The following OR1N1 variants were observed in gnomAD, a reference collection of about 807,000 sequenced individuals.
OR1N1 encodes olfactory receptor family 1 subfamily N member 1.
For missense variants in OR1N1, 388 were observed against 391.9 expected (o/e 0.99, Z 0.08); for synonymous variants, 130 against 151.2 (o/e 0.86, Z 1.03).
rs1223761916 is a variant in OR1N1, at chr9:122,527,179, CA to C, written c.114del (p.Asn40ThrfsTer32). 1.9e-6 allele frequency: 3 copies of C among 1,614,140 alleles called. No homozygotes were observed. The African/African-American group carries it at 4.0e-5, about 22-fold the overall frequency. On this transcript the variant is annotated frameshift_variant, in exon 1 of 1. Transcript: ENST00000304880. LOFTEE classifies it low-confidence loss of function (END_TRUNC). ...ATGGCCAGGATGATGAGCAGGTTCCCAGTCAAGGTGACAAGATACATACACA... is the reference window on the plus strand; with the variant it reads ...ATGGCCAGGATGATGAGCAGGTTCCCGTCAAGGTGACAAGATACATACACA... ...IFLCMYLVTL[T>X]GNLLIILAIG... is the part of the protein sequence containing the mutation.
rs746692966 is a variant in OR1N1 at position 122,526,857 on chromosome 9, C to G, written c.437G>C (p.Cys146Ser). The G allele has an allele frequency of 6.2e-7, 1 of 1,614,118 alleles. No homozygotes were observed. The highest frequency in any genetic ancestry group is 1.1e-5 in the South Asian group (1 of 91,078). ...PQVCALMLALCWVLTNIVALT... is the reference protein window; with the variant it reads ...PQVCALMLALSWVLTNIVALT... ...GGCAACGATATTGGTGAGGACCCAG[C>G]ACAATGCAAGCATTAGGGCACAGAC... Residue 146 changes from cysteine to serine, a missense_variant, in exon 1 of 1, where the codon TGC becomes TCC. By Grantham distance (112) the Cys-to-Ser change is moderately radical. Coordinates refer to ENST00000304880, the MANE Select transcript of OR1N1 (RefSeq NM_012363.1).
chr9:122,526,926 G>T lies in OR1N1; in HGVS notation c.368C>A (p.Ala123Asp). The T allele has an allele frequency of 1.9e-6, 3 of 1,614,130 alleles. No homozygotes were observed. The highest frequency in any genetic ancestry group is 2.5e-6 in the Non-Finnish European group (3 of 1,180,016). Residue 123 changes from alanine (A) to aspartate (D), a missense_variant, in exon 1 of 1, where the codon GCC becomes GAC. Ala to Asp is a moderately radical substitution (Grantham distance 126, BLOSUM62 -2). Transcript: ENST00000304880. ...GGAGTAGCAGAGGGGGTGGCAAATG[G>T]CCACATAGCGGTCATACGCCATGGC... The part of the protein sequence containing the change: ...LAAMAYDRYV[A>D]ICHPLCYSTV...
Position 122,527,280 on chromosome 9 carries a change from G to T in OR1N1, c.14C>A (p.Ser5Tyr), listed in dbSNP as rs548283369. 6.2e-7 allele frequency: 1 copy of T among 1,606,470 alleles called. No homozygotes were observed. Among genetic ancestry groups the T allele is most frequent in the African/African-American group, 1.3e-5 (1 of 74,790 alleles). The change falls in exon 1 of 1, where the codon TCC becomes TAC. Residue 5 changes from serine (S) to tyrosine (Y), a missense_variant. Coordinates refer to ENST00000304880, the MANE Select transcript of OR1N1 (RefSeq NM_012363.1). ...TCGGAGGAAAAATTCAGAAATGCTG[G>T]ATTGGTTTTCCATGACTCTGCAGCA... MENQ[S>Y]SISEFFLRGI... is the part of the protein sequence containing the mutation.
In OR1N1 at chr9:122,526,740, A is replaced by G. The variant is rs773742764; in HGVS notation, c.554T>C (p.Leu185Pro). The G allele has an allele frequency of 5.0e-6, 8 of 1,614,212 alleles. No homozygotes were observed. The South Asian group carries it at 7.7e-5, about 16-fold the overall frequency. Residue 185 changes from leucine to proline, a missense_variant, in exon 1 of 1, where the codon CTG becomes CCG. Physicochemically the swap from Leu to Pro is moderately conservative, Grantham distance 98 (BLOSUM62 -3). Transcript: ENST00000304880. ...FFCDITPVLKLSCSDTHINEM... is the reference protein window; with the variant it reads ...FFCDITPVLKPSCSDTHINEM... ...GTTGATGTGGGTGTCAGAACATGAC[A>G]GCTTCAGGACAGGAGTGATGTCACA...
rs146137679 is a variant in OR1N1 at position 122,527,004 on chromosome 9, G to T, written c.290C>A (p.Thr97Lys). The T allele has an allele frequency of 7.4e-6, 12 of 1,614,066 alleles. No homozygotes were observed. The highest frequency in any genetic ancestry group is 9.3e-6 in the Non-Finnish European group (11 of 1,180,044). The part of the protein sequence containing the change: ...HHTISYTGCL[T>K]QMYFFLMFGD... ...AAACATCAGAAAGAAATACATTTGC[G>T]TGAGGCAACCCGTATAGGAGATGGT... The change falls in exon 1 of 1, where the codon ACG (threonine) becomes AAG (lysine). Residue 97 changes from threonine to lysine, a missense_variant. Thr to Lys is a moderately conservative substitution (Grantham distance 78, BLOSUM62 -1). Coordinates refer to ENST00000304880, the MANE Select transcript of OR1N1 (RefSeq NM_012363.1).
Position 122,527,130 on chromosome 9 carries a change from G to A in OR1N1, c.164C>T (p.Thr55Ile). 4 of 1,614,122 alleles carry A rather than the reference G, an allele frequency of 2.5e-6. No homozygotes were observed. The highest frequency in any genetic ancestry group is 2.2e-5 in the East Asian group (1 of 44,898). The change falls in exon 1 of 1, where the codon ACC becomes ATC. Residue 55 changes from threonine to isoleucine, a missense_variant. Physicochemically the swap from Thr to Ile is moderately conservative, Grantham distance 89 (BLOSUM62 -1). Coordinates refer to ENST00000304880, the MANE Select transcript of OR1N1 (RefSeq NM_012363.1). Reference sequence around the variant, plus strand: ...GTTGGCCAAGAAAAAGTACATGGGGGTGTGGAGGTGCAGGTCAGAGCCAAT... The same window carrying A: ...GTTGGCCAAGAAAAAGTACATGGGGATGTGGAGGTGCAGGTCAGAGCCAAT... ...LAIGSDLHLH[T>I]PMYFFLANLS...
chr9:122,527,067 A>C lies in OR1N1; in HGVS notation c.227T>G (p.Val76Gly). ...FVDMGLTSST[V>G]TKMLVNIQTR... is the part of the protein sequence containing the mutation. ...CTGTATATTCACCAGCATCTTGGTA[A>C]CTGTGGAGGACGTTAAACCCATGTC... The change falls in exon 1 of 1, where the codon GTT becomes GGT. Residue 76 changes from valine (V) to glycine (G), a missense_variant. Coordinates refer to ENST00000304880, the MANE Select transcript of OR1N1 (RefSeq NM_012363.1). 1.2e-6 allele frequency: 2 copies of C among 1,614,246 alleles called. No individual in the cohort carries two copies. The highest frequency in any genetic ancestry group is 1.7e-6 in the Non-Finnish European group (2 of 1,180,038).
chr9:122,527,246 TG>T lies in OR1N1; in HGVS notation c.47del (p.Ser16Ter). On this transcript the variant is annotated frameshift_variant, in exon 1 of 1. Coordinates refer to ENST00000304880, the MANE Select transcript of OR1N1 (RefSeq NM_012363.1). LOFTEE classifies it low-confidence loss of function (END_TRUNC). ...SISEFFLRGISAPPEQQQSLF... is the reference protein window; with the variant it reads ...SISEFFLRGIXAPPEQQQSLF... ...GGGACTGCTGTTGCTCTGGAGGCGC[TG>T]ATATTCCTCGGAGGAAAAATTCAGA... 1 of 1,613,184 alleles carries T rather than the reference TG, an allele frequency of 6.2e-7. No individual in the cohort carries two copies. The highest frequency in any genetic ancestry group is 1.1e-5 in the South Asian group (1 of 90,994).
Position 122,526,786 on chromosome 9 carries a change from C to T in OR1N1, c.508G>A (p.Gly170Arg), listed in dbSNP as rs778920117. 14 of 1,613,966 alleles carry T rather than the reference C, an allele frequency of 8.7e-6. No individual in the cohort carries two copies. The highest frequency in any genetic ancestry group is 8.3e-5 in the Admixed American group (5 of 59,992). Residue 170 changes from glycine to arginine, a missense_variant, in exon 1 of 1, where the codon GGG becomes AGG. By Grantham distance (125) the Gly-to-Arg change is moderately radical. Transcript: ENST00000304880. Reference protein sequence around the residue: ...LMARLSFCVTGEIAHFFCDIT... With the variant: ...LMARLSFCVTREIAHFFCDIT... ...TCACAGAAAAAGTGAGCAATTTCCC[C>T]AGTCACACAGAAGGACAACCGAGCC...
rs1244720592 is a variant in OR1N1, at chr9:122,527,078, C to T, written c.216G>A (p.Thr72=). 6.8e-6 allele frequency: 11 copies of T among 1,614,078 alleles called. No individual in the cohort carries two copies. The highest frequency in any genetic ancestry group is 1.7e-5 in the Admixed American group (1 of 60,004). ...ANLSFVDMGL[T]SSTVTKMLVN... ...CCAGCATCTTGGTAACTGTGGAGGACGTTAAACCCATGTCAACAAAAGACA... is the reference window on the plus strand; with the variant it reads ...CCAGCATCTTGGTAACTGTGGAGGATGTTAAACCCATGTCAACAAAAGACA... Residue 72 remains threonine, a synonymous_variant, in exon 1 of 1, where the codon ACG becomes ACA. Transcript: ENST00000304880.
Position 122,527,105 on chromosome 9 carries a change from G to C in OR1N1, c.189C>G (p.Asn63Lys). The C allele has an allele frequency of 6.2e-7, 1 of 1,614,228 alleles. No homozygotes were observed. The highest frequency in any genetic ancestry group is 8.5e-7 in the Non-Finnish European group (1 of 1,180,032). ...LHTPMYFFLA[N>K]LSFVDMGLTS... Reference sequence around the variant, plus strand: ...TTAAACCCATGTCAACAAAAGACAGGTTGGCCAAGAAAAAGTACATGGGGG... The same window carrying C: ...TTAAACCCATGTCAACAAAAGACAGCTTGGCCAAGAAAAAGTACATGGGGG... Residue 63 changes from asparagine to lysine, a missense_variant, in exon 1 of 1, where the codon AAC becomes AAG. Asn to Lys is a moderately conservative substitution (Grantham distance 94, BLOSUM62 0). Coordinates refer to ENST00000304880, the MANE Select transcript of OR1N1 (RefSeq NM_012363.1).
At position 122,526,459 on chromosome 9, in the gene OR1N1, C is replaced by T; in HGVS notation, c.835G>A (p.Val279Met). ...ATAAAGGGGTTCAACATGGGAGTCA[C>T]TATGGTGTACATTGCAGCTGCTGCA... ...DIAAAAMYTI[V>M]TPMLNPFIYS... is the part of the protein sequence containing the mutation. The change falls in exon 1 of 1, where the codon GTG becomes ATG. Residue 279 changes from valine to methionine, a missense_variant. Physicochemically the swap from Val to Met is conservative, Grantham distance 21. Coordinates refer to ENST00000304880, the MANE Select transcript of OR1N1 (RefSeq NM_012363.1). 1.3e-6 allele frequency: 2 copies of T among 1,548,868 alleles called. No individual in the cohort carries two copies. Among genetic ancestry groups the T allele is most frequent in the African/African-American group, 2.7e-5 (2 of 72,894 alleles).
Position 122,527,289 on chromosome 9 carries a change from T to C in OR1N1, c.5A>G (p.Glu2Gly). 1 of 1,599,076 alleles carries C rather than the reference T, an allele frequency of 6.3e-7. No homozygotes were observed. Among genetic ancestry groups the C allele is most frequent in the Non-Finnish European group, 8.5e-7 (1 of 1,170,432 alleles). Residue 2 changes from glutamate (E) to glycine (G), a missense_variant, in exon 1 of 1, where the codon GAA becomes GGA. Coordinates refer to ENST00000304880, the MANE Select transcript of OR1N1 (RefSeq NM_012363.1). M[E>G]NQSSISEFFL... Reference sequence around the variant, plus strand: ...AAATTCAGAAATGCTGGATTGGTTTTCCATGACTCTGCAGCATCTGGAGCT... The same window carrying C: ...AAATTCAGAAATGCTGGATTGGTTTCCCATGACTCTGCAGCATCTGGAGCT...
At position 122,527,139 on chromosome 9, in the gene OR1N1, T is replaced by C. The variant is rs1828850374; in HGVS notation, c.155A>G (p.His52Arg). The change falls in exon 1 of 1, where the codon CAC becomes CGC. Residue 52 changes from histidine (H) to arginine (R), a missense_variant. Transcript: ENST00000304880. ...LIILAIGSDL[H>R]LHTPMYFFLA... ...GAAAAAGTACATGGGGGTGTGGAGG[T>C]GCAGGTCAGAGCCAATGGCCAGGAT... 1 of 1,614,046 alleles carries C rather than the reference T, an allele frequency of 6.2e-7. No homozygotes were observed. Among genetic ancestry groups the C allele is most frequent in the Non-Finnish European group, 8.5e-7 (1 of 1,180,014 alleles).
rs763616238 is a variant in OR1N1 at position 122,527,206 on chromosome 9, G to A, written c.88C>T (p.Leu30=). 4.3e-6 allele frequency: 7 copies of A among 1,613,932 alleles called. No individual in the cohort carries two copies. The East Asian group carries it at 1.3e-4, about 31-fold the overall frequency. ...EQQQSLFGIF[L]CMYLVTLTGN... ...GTCAAGGTGACAAGATACATACACA[G>A]GAAAATTCCGAAGAGGGACTGCTGT... Residue 30 remains leucine (L), a synonymous_variant, in exon 1 of 1, where the codon CTG becomes TTG. Transcript: ENST00000304880.
Position 122,526,416 on chromosome 9 carries a change from T to C in OR1N1, c.878A>G (p.Lys293Arg). 1.3e-6 allele frequency: 2 copies of C among 1,516,312 alleles called. No individual in the cohort carries two copies. The highest frequency in any genetic ancestry group is 1.8e-6 in the Non-Finnish European group (2 of 1,134,300). The allele number at this position is 1,516,312 out of a possible 1,614,324, so 93.9% of individuals were successfully genotyped here. A position where few individuals can be genotyped will look rare whatever the true frequency, so the allele number is the denominator to read the frequency against. Reference protein sequence around the residue: ...LNPFIYSLRNKDMKGALKRLF... With the variant: ...LNPFIYSLRNRDMKGALKRLF... ...CCTCTTTAGGGCCCCCTTCATGTCCTTGTTCCTTAGGCTATAGATAAAGGG... is the reference window on the plus strand; with the variant it reads ...CCTCTTTAGGGCCCCCTTCATGTCCCTGTTCCTTAGGCTATAGATAAAGGG... Residue 293 changes from lysine (K) to arginine (R), a missense_variant, in exon 1 of 1, where the codon AAG becomes AGG. Lys to Arg is a conservative substitution (Grantham distance 26). Coordinates refer to ENST00000304880, the MANE Select transcript of OR1N1 (RefSeq NM_012363.1).
chr9:122,526,679 G>A lies in OR1N1; in HGVS notation c.615C>T (p.Leu205=). ...TGACAATGCATAAAAAGGGGACGAT[G>A]AGTACGGTGCCTCCCAAGACAAAAA... ...MMVFVLGGTV[L]IVPFLCIVTS... is the part of the protein sequence containing the mutation. The change falls in exon 1 of 1, where the codon CTC becomes CTT. Residue 205 remains leucine, a synonymous_variant. Transcript: ENST00000304880. 1.2e-6 allele frequency: 2 copies of A among 1,614,192 alleles called. No homozygotes were observed. The highest frequency in any genetic ancestry group is 4.5e-5 in the East Asian group (2 of 44,882).
Position 122,526,499 on chromosome 9 carries a change from A to G in OR1N1, c.795T>C (p.Ser265=), listed in dbSNP as rs976283499. The G allele has an allele frequency of 1.3e-5, 20 of 1,586,164 alleles. No individual in the cohort carries two copies. The highest frequency in any genetic ancestry group is 1.5e-5 in the Non-Finnish European group (18 of 1,166,890). Residue 265 remains serine (S), a synonymous_variant, in exon 1 of 1, where the codon TCT becomes TCC. Transcript: ENST00000304880. ...CAGCTGCTGCAATGTCCTTCTCTTCAGAGGCAATGGAGGGAGGACACAGGT... is the reference window on the plus strand; with the variant it reads ...CAGCTGCTGCAATGTCCTTCTCTTCGGAGGCAATGGAGGGAGGACACAGGT... ...SAYLCPPSIA[S]EEKDIAAAAM...
At position 122,526,775 on chromosome 9, in the gene OR1N1, A is replaced by G; in HGVS notation, c.519T>C (p.Ala173=). The G allele has an allele frequency of 6.2e-7, 1 of 1,614,102 alleles. No homozygotes were observed. Among genetic ancestry groups the G allele is most frequent in the South Asian group, 1.1e-5 (1 of 91,062 alleles). ...CAGGAGTGATGTCACAGAAAAAGTG[A>G]GCAATTTCCCCAGTCACACAGAAGG... ...RLSFCVTGEI[A]HFFCDITPVL... is the part of the protein sequence containing the mutation. Residue 173 remains alanine, a synonymous_variant, in exon 1 of 1, where the codon GCT becomes GCC. Transcript: ENST00000304880.
Sources: gnomAD v4.1 joint callset for allele counts on GRCh38, gnomAD v4.1.1 for gene constraint, MANE v1.5 for transcripts, NCBI Gene and HGNC (gene_info 2026-07-23, HGNC 2026-07-21) for gene names.